CSMD1: variants seen among roughly 807,000 people sequenced by gnomAD.
The protein encoded by CSMD1 is CUB and sushi domain-containing protein 1.
A neutral mutation model predicts 417.5 loss-of-function variants in CSMD1; 213 were observed. The ratio of observed to expected loss-of-function variants is 0.51; its 90% CI spans 0.46 to 0.57. The LOEUF (loss-of-function observed/expected upper bound fraction) is 0.57. Among genes scored for constraint, CSMD1 ranks in the 20% least tolerant of loss-of-function variants. CSMD1 has a pLI of 0.00. For synonymous variants in CSMD1, 2,862 were observed against 1,736.8 expected (o/e 1.65, Z -16.11); for missense variants, 6,923 against 4,529.7 (o/e 1.53, Z -15.17).
At chr8:3,472,347 C>T (rs1374067387) in intron 11 of CSMD1, among the ~76,000 whole-genome samples, 1 of 152,088 alleles carries the variant, frequency 6.6e-6, no homozygotes, top group Non-Finnish European at 1.5e-5. Flanking sequence ...CTTTCTGAAA[C>T]ACACTTCCCA....
intron 1 of CSMD1, among the ~76,000 whole-genome samples, chr8:4,656,659 A>T (rs1163440392): frequency 6.6e-6 from 1 of 151,462 alleles, no homozygotes; most frequent in Non-Finnish European, 1.5e-5. Context: ...TCTCTGAGAT[A>T]GTCTATCATC....
intron 1 of CSMD1, among the ~76,000 whole-genome samples, chr8:4,952,741 T>C (rs1005523245): frequency 7.9e-5 from 12 of 152,076 alleles, no homozygotes; most frequent in Non-Finnish European, 1.3e-4. Flanking sequence ...AGAGATTCCT[T>C]TATTTTTATT....
intron 26 of CSMD1, among the ~76,000 whole-genome samples, chr8:3,257,742 C>G (rs182976153): frequency 1.2e-3 from 190 of 152,138 alleles, no homozygotes; most frequent in African/African-American, 4.4e-3. Flanking sequence ...ATGGACATTT[C>G]TGGGGCTGGA....
At chr8:4,102,117 GAA>G (rs1166488674) in intron 3 of CSMD1, among the ~76,000 whole-genome samples, 1 of 152,104 alleles carries the variant, frequency 6.6e-6, no homozygotes, top group Non-Finnish European at 1.5e-5. Flanking sequence ...AAACAAATAA[GAA>G]ATATATAAAA....
At chr8:4,093,861 G>A (rs1800848874) in intron 3 of CSMD1, among the ~76,000 whole-genome samples, 1 of 152,120 alleles carries the variant, frequency 6.6e-6, no homozygotes, top group Non-Finnish European at 1.5e-5. Flanking sequence ...TCGGGAGGCT[G>A]AGGCAGGAGA....
intron 26 of CSMD1, among the ~76,000 whole-genome samples, chr8:3,246,492 G>A (rs113182006): frequency 0.075 from 11,318 of 151,368 alleles, 571 homozygotes; most frequent in Admixed American, 0.13. Flanking sequence ...TTTTTTTTGT[G>A]ACAGAGTCTC....
At chr8:3,918,343 C>T (rs776184407) in intron 5 of CSMD1, among the ~76,000 whole-genome samples, 2 of 152,004 alleles carry the variant, frequency 1.3e-5, no homozygotes, top group Non-Finnish European at 2.9e-5. Context: ...TTCCTTACTC[C>T]CCACGTCCGC....
intron 5 of CSMD1, among the ~76,000 whole-genome samples, chr8:3,822,291 T>G (rs76096064): frequency 0.02 from 3,099 of 152,268 alleles, 107 homozygotes; most frequent in African/African-American, 0.069. Context: ...TAAGAGCTTG[T>G]GTCTAGGGGG....
intron 5 of CSMD1, among the ~76,000 whole-genome samples, chr8:3,791,154 G>T (rs974777342): frequency 6.6e-6 from 1 of 152,064 alleles, no homozygotes; most frequent in Non-Finnish European, 1.5e-5. Context: ...ATTCTTCTAG[G>T]TTATTACTTA....
At chr8:4,292,851 G>A (rs533140606) in intron 3 of CSMD1, among the ~76,000 whole-genome samples, 23 of 152,164 alleles carry the variant, frequency 1.5e-4, no homozygotes, top group African/African-American at 4.6e-4. Context: ...AATAGAGATG[G>A]AATATTTAAT....
intron 1 of CSMD1, among the ~76,000 whole-genome samples, chr8:4,675,476 C>T (rs755305570): frequency 6.6e-5 from 10 of 152,042 alleles, no homozygotes; most frequent in Non-Finnish European, 1.3e-4. Context: ...AAGAACAATA[C>T]ACGGATAACA....
intron 1 of CSMD1, among the ~76,000 whole-genome samples, chr8:4,875,238 T>C (rs1157422653): frequency 1.3e-5 from 2 of 152,058 alleles, no homozygotes; most frequent in African/African-American, 4.8e-5. Flanking sequence ...ATGAGAATTA[T>C]ATATGAACAA....
At chr8:3,991,723 C>T (rs1344206475) in intron 5 of CSMD1, among the ~76,000 whole-genome samples, 1 of 152,108 alleles carries the variant, frequency 6.6e-6, no homozygotes, top group Non-Finnish European at 1.5e-5. Flanking sequence ...TTCCATCTTC[C>T]TGTTTTGAAA....
chr8:4,050,085 T>G lies in CSMD1; in HGVS notation c.416-17986A>C, dbSNP rs112126642. Among the ~76,000 whole-genome samples the G allele has an allele frequency of 1.3e-3, 193 of 152,254 alleles. 2 individuals carry two copies. The highest frequency in any genetic ancestry group is 4.0e-3 in the African/African-American group (167 of 41,542). On this transcript the variant is annotated intron_variant, in intron 3 of 69. Transcript: ENST00000635120. ...GAACTTGTCTGGTGTTTTCTCACAG[T>G]GCACCAGGTTGTGGGTTGTTGGGAA...
At chr8:4,739,411 A>C (rs376788091) in intron 1 of CSMD1, among the ~76,000 whole-genome samples, 3 of 152,328 alleles carry the variant, frequency 2.0e-5, no homozygotes, top group Admixed American at 6.5e-5. Context: ...CTTATATCTG[A>C]TACCTCCCAA....
In CSMD1 at chr8:4,932,820, C is replaced by A. The variant is rs1585356233; in HGVS notation, c.85+61512G>T. Among the ~76,000 whole-genome samples, 5 of 152,280 alleles carry A rather than the reference C, an allele frequency of 3.3e-5. No homozygotes were observed. In the East Asian group the frequency reaches 9.6e-4, roughly 29 times the overall value. ...TAGAGTTTTACCCCTTCCCTGTGCT[C>A]CCTGGTTCAAATTTTCAACTACAGG... On this transcript the variant is annotated intron_variant, in intron 1 of 69. Coordinates refer to ENST00000635120, the MANE Select transcript of CSMD1 (RefSeq NM_033225.6).
At chr8:4,497,702 G>A (rs779701472) in intron 2 of CSMD1, among the ~76,000 whole-genome samples, 5 of 152,200 alleles carry the variant, frequency 3.3e-5, no homozygotes, top group Non-Finnish European at 7.3e-5. Context: ...AGCATAAATA[G>A]TGTGCAAGCT....
intron 3 of CSMD1, among the ~76,000 whole-genome samples, chr8:4,129,798 C>T (rs528193614): frequency 2.6e-5 from 4 of 152,114 alleles, no homozygotes; most frequent in Non-Finnish European, 4.4e-5. Context: ...CCATTTGTTA[C>T]TCCAACTTTA....
chr8:3,773,726 G>A (rs2720766), intron 5 of CSMD1, among the ~76,000 whole-genome samples: 2 of 152,184 alleles, frequency 1.3e-5, no homozygotes, highest in East Asian at 1.9e-4. Context: ...TTGATGATGA[G>A]GAGGGCAAGC....
Sources: gnomAD v4.1 joint callset for allele counts (sites outside exome capture counted in the v4.1 genomes callset) on GRCh38, gnomAD v4.1.1 for gene constraint, MANE v1.5 for transcripts, NCBI Gene and HGNC (gene_info 2026-07-23, HGNC 2026-07-21) for gene names.